The following APPL2 variants were observed in gnomAD, a reference collection of about 807,000 sequenced individuals.
The protein encoded by APPL2 is adaptor protein, phosphotyrosine interacting with PH domain and leucine zipper 2, also known as DCC-interacting protein 13-beta.
APPL2 carries 84 observed loss-of-function variants against 92.7 expected under a neutral mutation model. The ratio of observed to expected loss-of-function variants is 0.91; its 90% CI spans 0.76 to 1.09. APPL2 has a LOEUF of 1.09. APPL2 is among the 50% of genes least tolerant of loss of function. APPL2 has a pLI of 0.00. For synonymous variants in APPL2, 291 were observed against 291.0 expected, an observed-to-expected ratio of 1.00 and a Z score of 0.00; for missense variants, 736 against 824.5, an observed-to-expected ratio of 0.89 and a Z score of 1.31.
chr12:105,236,067 C>G lies in APPL2; in HGVS notation c.-55G>C. On this transcript the variant is annotated 5_prime_UTR_variant, in exon 1 of 21. Transcript: ENST00000258530. ...TTGGAAGGACAGAGGGCAGGAGACG[C>G]GGCGGCCGAGAGCACTCCCCGGCTC... 8.3e-7 allele frequency: 1 copy of G among 1,201,772 alleles called. No homozygotes were observed. Among genetic ancestry groups the G allele is most frequent in the South Asian group, 4.2e-5 (1 of 24,038 alleles). The allele number at this position is 1,201,772 out of a possible 1,614,324, so 74.4% of individuals were successfully genotyped here.
chr12:105,221,117 G>A (rs1487585813), intron 2 of APPL2, among the ~76,000 whole-genome samples: 2 of 152,176 alleles, frequency 1.3e-5, no homozygotes, highest in Non-Finnish European at 2.9e-5. Context: ...TGTACACAAA[G>A]GTTGTAAGAA....
Position 105,197,833 on chromosome 12 carries a change from G to A in APPL2, c.984C>T (p.Cys328=). 7 of 1,614,210 alleles carry A rather than the reference G, an allele frequency of 4.3e-6. No individual in the cohort carries two copies. Among genetic ancestry groups the A allele is most frequent in the Non-Finnish European group, 5.9e-6 (7 of 1,180,050 alleles). ...CTTCGCAATCCACGGCCATCACTGA[G>A]CAGTTGTCCAGGTCCTGGATCAAAC... ...AGGLIQDLDN[C]SVMAVDCEDR... is the part of the protein sequence containing the mutation. Residue 328 remains cysteine (C), a synonymous_variant, in exon 11 of 21, where the codon TGC becomes TGT. Coordinates refer to ENST00000258530, the MANE Select transcript of APPL2 (RefSeq NM_018171.5).
chr12:105,209,018 A>G (rs1312431848), intron 5 of APPL2, among the ~76,000 whole-genome samples: 2 of 151,452 alleles, frequency 1.3e-5, no homozygotes, highest in Non-Finnish European at 2.9e-5. Flanking sequence ...CGTTATTCAT[A>G]CTCTTTTGGT....
In APPL2 at chr12:105,207,129, G is replaced by A; in HGVS notation, c.553C>T (p.Leu185Phe). ...HLSSLQYYCALNALQYRKQMA... is the reference protein window; with the variant it reads ...HLSSLQYYCAFNALQYRKQMA... ...TGCTTTCTGTACTGCAGCGCGTTGA[G>A]GGCACAGTAGTACTGAAGGGAGGAG... The change falls in exon 8 of 21, where the codon CTC (leucine) becomes TTC (phenylalanine). Residue 185 changes from leucine (L) to phenylalanine (F), a missense_variant. Coordinates refer to ENST00000258530, the MANE Select transcript of APPL2 (RefSeq NM_018171.5). 1.2e-6 allele frequency: 2 copies of A among 1,614,198 alleles called. No homozygotes were observed. Among genetic ancestry groups the A allele is most frequent in the Non-Finnish European group, 1.7e-6 (2 of 1,180,042 alleles).
chr12:105,229,178 TG>T lies in APPL2; in HGVS notation c.99del (p.Thr34GlnfsTer49). On this transcript the variant is annotated frameshift_variant, in exon 2 of 21. Coordinates refer to ENST00000258530, the MANE Select transcript of APPL2 (RefSeq NM_018171.5). LOFTEE classifies it high-confidence loss of function. ...TGGAGCAGCTGGTTGGTATAGTCTGTGAGGGTGCCAGCATCTTCTTCAAACA... is the reference window on the plus strand; with the variant it reads ...TGGAGCAGCTGGTTGGTATAGTCTGTAGGGTGCCAGCATCTTCTTCAAACA... ...LSVFEEDAGT[L>X]TDYTNQLLQA... 6.2e-7 allele frequency: 1 copy of T among 1,613,754 alleles called. No individual in the cohort carries two copies. The highest frequency in any genetic ancestry group is 2.2e-5 in the East Asian group (1 of 44,880).
chr12:105,195,244 C>A lies in APPL2; in HGVS notation c.1241+17G>T. ...TTTGGCTCCACAAAAGCTAGTTTTT[C>A]TTTGTCCTTTAGTTACCTGGGGCAT... is the stretch of plus-strand genomic sequence containing the variant. On this transcript the variant is annotated intron_variant, in intron 14 of 20. Coordinates refer to ENST00000258530, the MANE Select transcript of APPL2 (RefSeq NM_018171.5). The A allele has an allele frequency of 5.0e-6, 8 of 1,613,058 alleles. No homozygotes were observed. Among genetic ancestry groups the A allele is most frequent in the Non-Finnish European group, 5.9e-6 (7 of 1,179,348 alleles).
chr12:105,222,764 T>C (rs1367415269), intron 2 of APPL2, among the ~76,000 whole-genome samples: 1 of 152,126 alleles, frequency 6.6e-6, no homozygotes, highest in Non-Finnish European at 1.5e-5. Flanking sequence ...ACCCCGTCAT[T>C]ATGTCTTAAG....
At chr12:105,224,807 C>T (rs536707984) in intron 2 of APPL2, among the ~76,000 whole-genome samples, 7 of 152,346 alleles carry the variant, frequency 4.6e-5, no homozygotes, top group African/African-American at 1.7e-4. Flanking sequence ...TCACTACTGT[C>T]ATCTGGTTTC....
In APPL2 at chr12:105,189,831, G is replaced by GA; in HGVS notation, c.1407-8dup. ...ACCAAAAGGGTTGGTACGCCTAGGG[G>GA]AATAGCCAGAGTTGAACAAACACGA... On this transcript the variant is annotated splice_polypyrimidine_tract_variant and splice_region_variant and intron_variant, in intron 15 of 20. Coordinates refer to ENST00000258530, the MANE Select transcript of APPL2 (RefSeq NM_018171.5). 2 of 1,614,144 alleles carry GA rather than the reference G, an allele frequency of 1.2e-6. No individual in the cohort carries two copies. Among genetic ancestry groups the GA allele is most frequent in the Non-Finnish European group, 1.7e-6 (2 of 1,180,004 alleles).
At chr12:105,203,517 C>A in intron 9 of APPL2, 186 bp downstream of exon 9, 1 of 595,258 alleles carries the variant, frequency 1.7e-6, no homozygotes, top group Non-Finnish European at 3.0e-6. Context: ...AAAACTCTGC[C>A]AATGTGCCCC....
chr12:105,176,076 A>G lies in APPL2; in HGVS notation c.1819T>C (p.Tyr607His), dbSNP rs1358970333. The G allele has an allele frequency of 6.3e-7, 1 of 1,593,290 alleles. No individual in the cohort carries two copies. Residue 607 changes from tyrosine (Y) to histidine (H), a missense_variant, in exon 20 of 21, where the codon TAT (tyrosine) becomes CAT (histidine). Coordinates refer to ENST00000258530, the MANE Select transcript of APPL2 (RefSeq NM_018171.5). ...ESNSEGEKIC[Y>H]AINLGKEIIE... ...ATTTCTTTTCCCAAATTAATAGCAT[A>G]ACATATCTGCAAAAGACAAGAAAAG...
At chr12:105,182,332 T>C (rs566480951) in intron 17 of APPL2, among the ~76,000 whole-genome samples, 150 of 152,352 alleles carry the variant, frequency 9.8e-4, no homozygotes, top group African/African-American at 3.5e-3. Context: ...CCCAACCTTC[T>C]AGTTCTTTTA....
chr12:105,215,169 C>T (rs773570554), intron 4 of APPL2, among the ~76,000 whole-genome samples: 12 of 152,214 alleles, frequency 7.9e-5, no homozygotes, highest in Non-Finnish European at 1.6e-4. Context: ...GTTTATAGCT[C>T]GTTTGTCAGA....
chr12:105,220,538 A>G (rs1890018521), intron 2 of APPL2, among the ~76,000 whole-genome samples: 2 of 151,966 alleles, frequency 1.3e-5, no homozygotes, highest in Admixed American at 1.3e-4. Flanking sequence ...AGGAGCTTCT[A>G]CTCTTCTAAT....
intron 2 of APPL2, among the ~76,000 whole-genome samples, chr12:105,223,019 CA>C (rs1342650270): frequency 6.6e-6 from 1 of 152,192 alleles, no homozygotes; most frequent in African/African-American, 2.4e-5. Flanking sequence ...GGACAGCCAG[CA>C]ACAAGACAAG....
At chr12:105,208,067 A>G in intron 6 of APPL2, 38 bp from the exon 7 acceptor site, 1 of 1,613,560 alleles carries the variant, frequency 6.2e-7, no homozygotes, top group Non-Finnish European at 8.5e-7. Flanking sequence ...CAGGAGGGTC[A>G]GGGTCGAAAG....
chr12:105,201,853 G>A (rs569820168), intron 9 of APPL2, among the ~76,000 whole-genome samples: 2 of 152,144 alleles, frequency 1.3e-5, no homozygotes, highest in African/African-American at 2.4e-5. Flanking sequence ...ACCATGCCAC[G>A]CTGTCTGGAT....
intron 17 of APPL2, among the ~76,000 whole-genome samples, chr12:105,186,711 C>CATA (rs1886749440): frequency 2.6e-5 from 1 of 38,542 alleles, no homozygotes; most frequent in Non-Finnish European, 7.1e-5. Flanking sequence ...TATCATATAT[C>CATA]ATATCATATA....
At chr12:105,210,751 T>C (rs1432016605) in intron 5 of APPL2, among the ~76,000 whole-genome samples, 1 of 151,938 alleles carries the variant, frequency 6.6e-6, no homozygotes, top group Non-Finnish European at 1.5e-5. Flanking sequence ...ATCCCCAGAG[T>C]CTAGCACAGA....
Sources: allele counts gnomAD v4.1 joint callset (sites outside exome capture counted in the v4.1 genomes callset), GRCh38; gene constraint gnomAD v4.1.1; transcripts MANE v1.5; gene names NCBI Gene and HGNC (gene_info 2026-07-23, HGNC 2026-07-21).